UBE2D2: variants seen among roughly 807,000 people sequenced by gnomAD.
UBE2D2 encodes ubiquitin-conjugating enzyme E2 D2.
UBE2D2 carries 2 observed loss-of-function variants against 24.2 expected under a neutral mutation model. The observed-to-expected ratio is 0.08, with a 90% CI of 0.03 to 0.26. The LOEUF (loss-of-function observed/expected upper bound fraction) is 0.26. Ranked by LOEUF, UBE2D2 falls within the 10% of genes least tolerant of loss-of-function variation. UBE2D2 has a pLI of 1.00. For missense variants in UBE2D2, 44 were observed against 177.6 expected (o/e 0.25, Z 4.28); for synonymous variants, 58 against 56.5 (o/e 1.03, Z -0.12).
chr5:139,534,225 G>C (rs1440985983), intron 1 of UBE2D2, among the ~76,000 whole-genome samples: 1 of 151,616 alleles, frequency 6.6e-6, no homozygotes, highest in Non-Finnish European at 1.5e-5. Flanking sequence ...CTGAGGTCAG[G>C]AGTTCGAGAC....
intron 1 of UBE2D2, among the ~76,000 whole-genome samples, chr5:139,588,646 C>G (rs1381122879): frequency 6.6e-6 from 1 of 152,074 alleles, no homozygotes; most frequent in Non-Finnish European, 1.5e-5. Flanking sequence ...TGAGAAAAAT[C>G]TTTTTTACCT....
At chr5:139,553,026 T>G (rs1752942288) in intron 1 of UBE2D2, among the ~76,000 whole-genome samples, 1 of 151,672 alleles carries the variant, frequency 6.6e-6, no homozygotes, top group African/African-American at 2.4e-5. Context: ...TCCATGTTGG[T>G]CAGGCTGGTC....
intron 2 of UBE2D2, among the ~76,000 whole-genome samples, chr5:139,611,082 G>T (rs764875796): frequency 1.3e-5 from 2 of 151,896 alleles, no homozygotes; most frequent in Non-Finnish European, 2.9e-5. Context: ...AAAGGAAAGG[G>T]TGGAGAAATT....
chr5:139,549,740 C>T (rs975952043), intron 1 of UBE2D2, among the ~76,000 whole-genome samples: 1 of 152,226 alleles, frequency 6.6e-6, no homozygotes, highest in Non-Finnish European at 1.5e-5. Flanking sequence ...CTGCGCAGAG[C>T]GGGACTAGCG....
intron 5 of UBE2D2, among the ~76,000 whole-genome samples, chr5:139,622,811 A>C (rs1754539130): frequency 6.6e-6 from 1 of 151,612 alleles, no homozygotes; most frequent in Non-Finnish European, 1.5e-5. Flanking sequence ...AATGGTGTGA[A>C]CCTGAGAGGC....
intron 1 of UBE2D2, among the ~76,000 whole-genome samples, chr5:139,563,136 G>T (rs1391569756): frequency 6.6e-6 from 1 of 152,134 alleles, no homozygotes; most frequent in Non-Finnish European, 1.5e-5. Flanking sequence ...CTGAATGATG[G>T]GATGGGGATG....
At chr5:139,608,114 AT>A (rs563671331) in intron 2 of UBE2D2, among the ~76,000 whole-genome samples, 123 of 151,974 alleles carry the variant, frequency 8.1e-4, no homozygotes, top group African/African-American at 2.7e-3. Flanking sequence ...GAAAATATTT[AT>A]TTTTTTCCCC....
At chr5:139,577,616 A>G (rs765794311) in intron 1 of UBE2D2, among the ~76,000 whole-genome samples, 3 of 151,852 alleles carry the variant, frequency 2.0e-5, no homozygotes, top group Non-Finnish European at 2.9e-5. Flanking sequence ...GTTTCATTAT[A>G]TTGGTCAGGC....
intron 1 of UBE2D2, among the ~76,000 whole-genome samples, chr5:139,533,864 C>T (rs1231414744): frequency 6.7e-6 from 1 of 149,818 alleles, no homozygotes; most frequent in South Asian, 2.1e-4. Flanking sequence ...CTCACAGCAA[C>T]CTCCGCCTCC....
chr5:139,544,362 A>G (rs2126634134), intron 1 of UBE2D2, among the ~76,000 whole-genome samples: 1 of 150,954 alleles, frequency 6.6e-6, no homozygotes, highest in East Asian at 2.0e-4. Flanking sequence ...ATCTCGGATC[A>G]CCGCAACCTC....
chr5:139,606,742 G>T (rs1024524126), intron 2 of UBE2D2, among the ~76,000 whole-genome samples: 1 of 152,046 alleles, frequency 6.6e-6, no homozygotes, highest in Non-Finnish European at 1.5e-5. Context: ...TATGCTTATG[G>T]TCCAGTATTT....
At chr5:139,571,801 T>C (rs1031845855) in intron 1 of UBE2D2, among the ~76,000 whole-genome samples, 7 of 148,824 alleles carry the variant, frequency 4.7e-5, no homozygotes, top group Non-Finnish European at 8.9e-5. Flanking sequence ...CTCACTCACT[T>C]CCTCCCTCCT....
intron 1 of UBE2D2, among the ~76,000 whole-genome samples, chr5:139,593,496 A>G (rs72790986): frequency 0.21 from 31,776 of 152,036 alleles, 3,472 homozygotes; most frequent in South Asian, 0.31. Context: ...ATATGTTTTA[A>G]TATGTAAAAT....
chr5:139,543,216 C>CA (rs919621055), intron 1 of UBE2D2, among the ~76,000 whole-genome samples: 3 of 152,206 alleles, frequency 2.0e-5, no homozygotes, highest in Admixed American at 6.5e-5. Context: ...TTAAATTAAA[C>CA]AAAAATATTA....
intron 1 of UBE2D2, among the ~76,000 whole-genome samples, chr5:139,551,078 G>A (rs1376079467): frequency 4.6e-5 from 7 of 151,978 alleles, no homozygotes; most frequent in Non-Finnish European, 1.5e-5. Context: ...GAGGGGGGAG[G>A]TCACACCTGT....
At chr5:139,569,339 A>G (rs1753304925) in intron 1 of UBE2D2, among the ~76,000 whole-genome samples, 1 of 152,166 alleles carries the variant, frequency 6.6e-6, no homozygotes, top group Admixed American at 6.6e-5. Flanking sequence ...ATAACTGTTA[A>G]TAAATCTAGG....
At chr5:139,622,523 A>G (rs558882470) in intron 5 of UBE2D2, among the ~76,000 whole-genome samples, 1 of 147,452 alleles carries the variant, frequency 6.8e-6, no homozygotes, top group African/African-American at 2.5e-5. Flanking sequence ...GATTACAGGC[A>G]TGAGCCACTG....
chr5:139,601,348 A>C (rs1267795348), intron 2 of UBE2D2, among the ~76,000 whole-genome samples: 1 of 152,188 alleles, frequency 6.6e-6, no homozygotes, highest in Non-Finnish European at 1.5e-5. Flanking sequence ...TCATGTCCCT[A>C]ATCCCAGCAC....
In UBE2D2 at chr5:139,548,193, A is replaced by AAAAATAAATAAATAAAT; in HGVS notation, c.-64+21584_-64+21585insATAAATAAATAAATAAA. Among the ~76,000 whole-genome samples, 17 of 47,110 alleles carry AAAAATAAATAAATAAAT rather than the reference A, an allele frequency of 3.6e-4. 1 individual carries two copies. Among genetic ancestry groups the AAAAATAAATAAATAAAT allele is most frequent in the Non-Finnish European group, 4.9e-4 (13 of 26,358 alleles). 30.9% of individuals were successfully genotyped at this position (47,110 alleles called of 152,430 possible). A position where few individuals can be genotyped will look rare whatever the true frequency, so the allele number is the denominator to read the frequency against. ...AAAAAAAAAAAAAAAATAAAAAAAA[A>AAAAATAAATAAATAAAT]AAATAAATAAATAAATAAATAAACG... On this transcript the variant is annotated intron_variant, in intron 1 of 6. Transcript: ENST00000511725.
Sources: gnomAD v4.1 joint callset for allele counts (sites outside exome capture counted in the v4.1 genomes callset) on GRCh38, gnomAD v4.1.1 for gene constraint, MANE v1.5 for transcripts, NCBI Gene and HGNC (gene_info 2026-07-23, HGNC 2026-07-21) for gene names.